C1QTNF7: variants seen among roughly 807,000 people sequenced by gnomAD.
C1QTNF7 encodes C1q and TNF related 7, also known as complement C1q tumor necrosis factor-related protein 7.
A neutral mutation model predicts 19.6 loss-of-function variants in C1QTNF7; 15 were observed. The observed-to-expected ratio is 0.76, with a 90% CI of 0.51 to 1.18. The LOEUF (loss-of-function observed/expected upper bound fraction) is 1.18. Among genes scored for constraint, C1QTNF7 ranks in the 50% most tolerant of loss-of-function variants. The probability of loss-of-function intolerance (pLI) is 0.00; values close to 1 mark genes in which losing one functional copy is unlikely to be tolerated. For missense variants in C1QTNF7, 324 were observed against 359.7 expected, an observed-to-expected ratio of 0.90 and a Z score of 0.80; for synonymous variants, 142 against 137.5, an observed-to-expected ratio of 1.03 and a Z score of -0.23.
intron 1 of C1QTNF7, among the ~76,000 whole-genome samples, chr4:15,372,322 A>G (rs1717765515): frequency 6.6e-6 from 1 of 152,178 alleles, no homozygotes; most frequent in Non-Finnish European, 1.5e-5. Flanking sequence ...GTCTCTTAAG[A>G]AAAGGAAGAG....
At chr4:15,347,941 G>A (rs979621164) in intron 1 of C1QTNF7, among the ~76,000 whole-genome samples, 3 of 152,082 alleles carry the variant, frequency 2.0e-5, no homozygotes, top group South Asian at 2.1e-4. Flanking sequence ...AGCCCTTCCC[G>A]GTTGTGTGAT....
intron 1 of C1QTNF7, among the ~76,000 whole-genome samples, chr4:15,401,931 G>T (rs951332793): frequency 6.6e-6 from 1 of 152,018 alleles, no homozygotes; most frequent in Middle Eastern, 3.2e-3. Context: ...GCAAAAGGGA[G>T]GCTGACATAC....
At chr4:15,366,300 C>T (rs1717520063) in intron 1 of C1QTNF7, among the ~76,000 whole-genome samples, 1 of 152,130 alleles carries the variant, frequency 6.6e-6, no homozygotes, top group Non-Finnish European at 1.5e-5. Context: ...CCCCTCAATC[C>T]CAGGAAAATT....
chr4:15,423,899 A>C (rs1711914688), upstream of C1QTNF7, among the ~76,000 whole-genome samples: 1 of 152,286 alleles, frequency 6.6e-6, no homozygotes, highest in African/African-American at 2.4e-5. Flanking sequence ...GCAAGATTCA[A>C]CTGGGTTGTC....
At chr4:15,406,958 CTA>C (rs566774014) in intron 1 of C1QTNF7, among the ~76,000 whole-genome samples, 108 of 152,228 alleles carry the variant, frequency 7.1e-4, no homozygotes, top group African/African-American at 2.3e-3. Flanking sequence ...TCTAATTTTT[CTA>C]TGATTAACAT....
At chr4:15,382,691 C>T (rs1025403321) in intron 1 of C1QTNF7, among the ~76,000 whole-genome samples, 2 of 152,122 alleles carry the variant, frequency 1.3e-5, no homozygotes, top group African/African-American at 4.8e-5. Context: ...CATGATGAAT[C>T]CCATACCCTT....
intron 1 of C1QTNF7, among the ~76,000 whole-genome samples, chr4:15,348,119 T>C (rs1408973883): frequency 6.6e-6 from 1 of 152,188 alleles, no homozygotes; most frequent in Non-Finnish European, 1.5e-5. Flanking sequence ...CAGCTAATCT[T>C]TCTCTTTGCC....
chr4:15,422,854 C>T (rs1711842972), intron 1 of C1QTNF7, among the ~76,000 whole-genome samples: 1 of 152,114 alleles, frequency 6.6e-6, no homozygotes, highest in East Asian at 1.9e-4. Flanking sequence ...AGCGATCTTC[C>T]CACCATAGCC....
intron 1 of C1QTNF7, among the ~76,000 whole-genome samples, chr4:15,380,817 C>T (rs1718112156): frequency 1.3e-5 from 2 of 151,920 alleles, no homozygotes; most frequent in Non-Finnish European, 2.9e-5. Flanking sequence ...CACCTCTAAT[C>T]CCAGCTACTG....
At chr4:15,342,229 A>G (rs527926040) in intron 1 of C1QTNF7, among the ~76,000 whole-genome samples, 3 of 152,192 alleles carry the variant, frequency 2.0e-5, no homozygotes, top group African/African-American at 7.2e-5. Flanking sequence ...TCTGCAAGGG[A>G]CAAGAGTGTT....
chr4:15,373,380 T>TTA (rs1362182857), intron 1 of C1QTNF7, among the ~76,000 whole-genome samples: 1 of 152,238 alleles, frequency 6.6e-6, no homozygotes, highest in Non-Finnish European at 1.5e-5. Flanking sequence ...CCTCTTAATA[T>TTA]TATCACATTG....
At chr4:15,367,750 G>C (rs1342633652) in intron 1 of C1QTNF7, among the ~76,000 whole-genome samples, 2 of 152,048 alleles carry the variant, frequency 1.3e-5, no homozygotes, top group African/African-American at 2.4e-5. Flanking sequence ...GATTAATTAA[G>C]ATAATGTCCA....
At chr4:15,391,843 A>G (rs1718570553) in intron 1 of C1QTNF7, among the ~76,000 whole-genome samples, 2 of 152,222 alleles carry the variant, frequency 1.3e-5, no homozygotes, top group Non-Finnish European at 2.9e-5. Flanking sequence ...AACAAGCAGG[A>G]AGAAGCACCA....
At chr4:15,403,652 C>A (rs917014939) in intron 1 of C1QTNF7, among the ~76,000 whole-genome samples, 1 of 152,178 alleles carries the variant, frequency 6.6e-6, no homozygotes, top group African/African-American at 2.4e-5. Context: ...TCCTTAATTA[C>A]ATCTACATAA....
intron 1 of C1QTNF7, among the ~76,000 whole-genome samples, chr4:15,394,699 CAT>C (rs147631690): frequency 0.01 from 1,576 of 152,218 alleles, 20 homozygotes; most frequent in African/African-American, 0.024. Flanking sequence ...AAATTACAAA[CAT>C]GTGTTGGATT....
At chr4:15,363,680 G>C (rs1030528425) in intron 1 of C1QTNF7, among the ~76,000 whole-genome samples, 3 of 152,114 alleles carry the variant, frequency 2.0e-5, no homozygotes, top group Admixed American at 6.6e-5. Flanking sequence ...GACAAATGAG[G>C]CTTCTGTTAA....
intron 1 of C1QTNF7, among the ~76,000 whole-genome samples, chr4:15,386,671 A>G (rs1718347565): frequency 6.6e-6 from 1 of 152,196 alleles, no homozygotes; most frequent in African/African-American, 2.4e-5. Context: ...TGGAAGAGCA[A>G]GACGATGCTA....
intron 1 of C1QTNF7, among the ~76,000 whole-genome samples, chr4:15,371,069 G>A (rs908072341): frequency 5.3e-5 from 8 of 152,256 alleles, no homozygotes; most frequent in East Asian, 3.9e-4. Context: ...GCCCTGTCCC[G>A]TCAGCTCTTT....
At chr4:15,389,195 T>C (rs907066042) in intron 1 of C1QTNF7, among the ~76,000 whole-genome samples, 2 of 152,040 alleles carry the variant, frequency 1.3e-5, no homozygotes, top group African/African-American at 4.8e-5. Flanking sequence ...AGCCAGGAAG[T>C]AGCCATAGGA....
Sources: gnomAD v4.1 joint callset for allele counts (sites outside exome capture counted in the v4.1 genomes callset) on GRCh38, gnomAD v4.1.1 for gene constraint, MANE v1.5 for transcripts, NCBI Gene and HGNC (gene_info 2026-07-23, HGNC 2026-07-21) for gene names.